ASIC4: variants seen among roughly 807,000 people sequenced by gnomAD.
ASIC4 encodes acid sensing ion channel subunit family member 4.
ASIC4 carries 28 observed loss-of-function variants against 53.4 expected under a neutral mutation model. The observed-to-expected ratio is 0.52, with a 90% confidence interval of 0.39 to 0.72. ASIC4 has a LOEUF of 0.72. Ranked by LOEUF, ASIC4 falls within the 30% of genes least tolerant of loss-of-function variation. The pLI is 0.00. For missense variants in ASIC4, 649 were observed against 729.7 expected, an observed-to-expected ratio of 0.89 and a Z score of 1.27; for synonymous variants, 289 against 301.4, an observed-to-expected ratio of 0.96 and a Z score of 0.43.
chr2:219,511,010 C>G (rs891735913), upstream of ASIC4, among the ~76,000 whole-genome samples: 3 of 152,324 alleles, frequency 2.0e-5, no homozygotes, highest in African/African-American at 4.8e-5. This position sits in a 1 kb window ranked among gnomAD's most constrained non-coding sequence, Gnocchi z 5.3. Flanking sequence ...CCCCAGCCCC[C>G]CCATCCTTGT....
upstream of ASIC4, chr2:219,514,147 C>G: frequency 1.5e-6 from 1 of 646,204 alleles, no homozygotes; most frequent in Non-Finnish European, 2.5e-6. Context: ...CCCTGGGTGG[C>G]CAGGAAGTGG....
rs1313641069 is a variant in ASIC4 at position 219,516,142 on chromosome 2, C to A, written c.582+836C>A. ...CACACTCCCTCTCTCACTCACTGTCCCTGTCACTACACTCACATGCACACC... is the reference window on the plus strand; with the variant it reads ...CACACTCCCTCTCTCACTCACTGTCACTGTCACTACACTCACATGCACACC... On this transcript the variant is annotated intron_variant, in intron 1 of 9. Coordinates refer to ENST00000358078, the MANE Select transcript of ASIC4 (RefSeq NM_018674.6). This position sits in a 1 kb window ranked among gnomAD's most constrained non-coding sequence, Gnocchi z 4.9. Among the ~76,000 whole-genome samples, 2 of 152,126 alleles carry A rather than the reference C, an allele frequency of 1.3e-5. No individual in the cohort carries two copies. The highest frequency in any genetic ancestry group is 2.9e-5 in the Non-Finnish European group (2 of 68,024).
At position 219,534,919 on chromosome 2, in the gene ASIC4, C is replaced by A. The variant is rs572884044; in HGVS notation, c.1076-252C>A. ...GTTCTCCCTCTGGGCCACGAGGACC[C>A]CCCCCCAGTCCCAGGGGGTTGGGAG... On this transcript the variant is annotated intron_variant, in intron 5 of 9. Coordinates refer to ENST00000358078, the MANE Select transcript of ASIC4 (RefSeq NM_018674.6). 3.7e-4 allele frequency among the ~76,000 whole-genome samples: 56 copies of A among 152,132 alleles called. 1 individual carries two copies. Among genetic ancestry groups the A allele is most frequent in the Non-Finnish European group, 6.6e-4 (45 of 67,968 alleles).
intron 1 of ASIC4, among the ~76,000 whole-genome samples, 183 bp from the exon 2 acceptor site, chr2:219,531,575 A>G (rs1379814615): frequency 6.6e-6 from 1 of 152,188 alleles, no homozygotes; most frequent in African/African-American, 2.4e-5. Context: ...CTAATCATCT[A>G]AGGGAGGCCA....
chr2:219,520,391 CCCAGTTTCGGGCT>C (rs913347175), intron 1 of ASIC4, among the ~76,000 whole-genome samples: 3 of 152,146 alleles, frequency 2.0e-5, no homozygotes, highest in African/African-American at 7.2e-5. Context: ...TGTCCCAGGA[CCCAGTTTCGGGCT>C]CCTTAGCACC....
In ASIC4 at chr2:219,516,837, G is replaced by C. The variant is rs1029993078; in HGVS notation, c.582+1531G>C. 6.6e-6 allele frequency: 1 copy of C among 152,500 alleles called. No individual in the cohort carries two copies. Among genetic ancestry groups the C allele is most frequent in the East Asian group, 1.9e-4 (1 of 5,208 alleles). The allele number at this position is 152,500 out of a possible 1,614,324, so 9.4% of individuals were successfully genotyped here. A position where few individuals can be genotyped will look rare whatever the true frequency, so the allele number is the denominator to read the frequency against. On this transcript the variant is annotated intron_variant, in intron 1 of 9. Coordinates refer to ENST00000358078, the MANE Select transcript of ASIC4 (RefSeq NM_018674.6). The surrounding 1 kb of genome is among the most constrained non-coding windows in gnomAD (Gnocchi z 4.9). Reference sequence around the variant, plus strand: ...GGGACAGGAGCAGGAGCATTGTGCAGGGAGAAGAGTCGGGGGCATTGGCCT... The same window carrying C: ...GGGACAGGAGCAGGAGCATTGTGCACGGAGAAGAGTCGGGGGCATTGGCCT...
Position 219,537,419 on chromosome 2 carries a change from T to G in ASIC4, c.1401+98T>G, listed in dbSNP as rs544090952. On this transcript the variant is annotated intron_variant, in intron 8 of 9. Coordinates refer to ENST00000358078, the MANE Select transcript of ASIC4 (RefSeq NM_018674.6). The surrounding 1 kb of genome is among the most constrained non-coding windows in gnomAD (Gnocchi z 4.9). ...TGGTGGAGCTGGCCTGGCTGGAAAGTCAGGTTCAGGGTTCTCTGCCAGGGT... is the reference window on the plus strand; with the variant it reads ...TGGTGGAGCTGGCCTGGCTGGAAAGGCAGGTTCAGGGTTCTCTGCCAGGGT... 3.5e-5 allele frequency: 49 copies of G among 1,396,902 alleles called. No individual in the cohort carries two copies. In the Admixed American group the frequency reaches 3.6e-4, roughly 10 times the overall value. The allele number at this position is 1,396,902 out of a possible 1,614,324, so 86.5% of individuals were successfully genotyped here. A position where few individuals can be genotyped will look rare whatever the true frequency, so the allele number is the denominator to read the frequency against.
chr2:219,535,106 C>T (rs1695106092), intron 5 of ASIC4, 65 bp from the exon 6 acceptor site: 1 of 1,556,694 alleles, frequency 6.4e-7, no homozygotes, highest in African/African-American at 1.4e-5. Context: ...CTCCTCTCTG[C>T]AGCTGGTGGG....
Position 219,514,961 on chromosome 2 carries a change from T to G in ASIC4, c.237T>G (p.Ala79=). ...LWALALLTSL[A]AFLYQAAGLA... Reference sequence around the variant, plus strand: ...CACTGGCCCTACTCACCTCGCTGGCTGCCTTCCTGTACCAGGCGGCTGGCC... The same window carrying G: ...CACTGGCCCTACTCACCTCGCTGGCGGCCTTCCTGTACCAGGCGGCTGGCC... The change falls in exon 1 of 10, where the codon GCT becomes GCG. Residue 79 remains alanine, a synonymous_variant. Coordinates refer to ENST00000358078, the MANE Select transcript of ASIC4 (RefSeq NM_018674.6). 1 of 1,613,220 alleles carries G rather than the reference T, an allele frequency of 6.2e-7. No homozygotes were observed.
At chr2:219,519,580 C>T (rs1416414944) in intron 1 of ASIC4, among the ~76,000 whole-genome samples, 3 of 152,246 alleles carry the variant, frequency 2.0e-5, no homozygotes, top group East Asian at 1.9e-4. Flanking sequence ...GTGATGGACA[C>T]GCTCTGCACC....
chr2:219,510,006 G>A (rs1217555996), upstream of ASIC4, among the ~76,000 whole-genome samples: 1 of 151,880 alleles, frequency 6.6e-6, no homozygotes, highest in Non-Finnish European at 1.5e-5. The surrounding 1 kb of genome is among the most constrained non-coding windows in gnomAD (Gnocchi z 5.2). Flanking sequence ...GGGGGGCGGG[G>A]GCTCTGTCAA....
chr2:219,512,302 T>A (rs1298034753), upstream of ASIC4, among the ~76,000 whole-genome samples: 1 of 152,120 alleles, frequency 6.6e-6, no homozygotes, highest in Admixed American at 6.5e-5. Context: ...GCCAGTATGT[T>A]GTCGGGGAAG....
chr2:219,533,102 G>A (rs764052002), intron 5 of ASIC4, 163 bp downstream of exon 5: 2 of 754,178 alleles, frequency 2.7e-6, no homozygotes, highest in South Asian at 3.0e-5. Context: ...GGAGAGGTCT[G>A]CGGACCTCTG....
intron 1 of ASIC4, among the ~76,000 whole-genome samples, chr2:219,527,901 C>G (rs924301139): frequency 1.3e-5 from 2 of 152,238 alleles, no homozygotes; most frequent in African/African-American, 4.8e-5. Context: ...AACAGGACTC[C>G]TGGTCACATG....
At position 219,535,251 on chromosome 2, in the gene ASIC4, A is replaced by T; in HGVS notation, c.1156A>T (p.Met386Leu). ...GACACGCTATGGGAAAGAGATCTCC[A>T]TGGTCAGGATCCCCAACAGGGGCTC... Reference protein sequence around the residue: ...NLTRYGKEISMVRIPNRGSAR... With the variant: ...NLTRYGKEISLVRIPNRGSAR... The change falls in exon 6 of 10, where the codon ATG (methionine) becomes TTG (leucine). Residue 386 changes from methionine (M) to leucine (L), a missense_variant. Physicochemically the swap from Met to Leu is conservative, Grantham distance 15 (BLOSUM62 2). Coordinates refer to ENST00000358078, the MANE Select transcript of ASIC4 (RefSeq NM_018674.6). The T allele has an allele frequency of 6.2e-7, 1 of 1,613,822 alleles. No individual in the cohort carries two copies. The highest frequency in any genetic ancestry group is 1.3e-5 in the African/African-American group (1 of 75,028).
upstream of ASIC4, chr2:219,514,421 GAC>G (rs1694744641): frequency 4.5e-6 from 7 of 1,549,150 alleles, no homozygotes; most frequent in Non-Finnish European, 5.2e-6. Flanking sequence ...CGCTCGCAGG[GAC>G]ACACGCAGGG....
At position 219,518,631 on chromosome 2, in the gene ASIC4, C is replaced by T. The variant is rs1442712596; in HGVS notation, c.582+3325C>T. Reference sequence around the variant, plus strand: ...ACAGCTCTCCCTTCCTCCCTGATTCCTGCCGCCATCTGCTACCCACACCCC... The same window carrying T: ...ACAGCTCTCCCTTCCTCCCTGATTCTTGCCGCCATCTGCTACCCACACCCC... On this transcript the variant is annotated intron_variant, in intron 1 of 9. Transcript: ENST00000358078. This position sits in a 1 kb window ranked among gnomAD's most constrained non-coding sequence, Gnocchi z 4.8. Among the ~76,000 whole-genome samples the T allele has an allele frequency of 6.6e-6, 1 of 152,068 alleles. No homozygotes were observed. Among genetic ancestry groups the T allele is most frequent in the Non-Finnish European group, 1.5e-5 (1 of 67,998 alleles).
chr2:219,538,334 C>A lies in ASIC4; in HGVS notation c.*288C>A. On this transcript the variant is annotated 3_prime_UTR_variant, in exon 10 of 10. Transcript: ENST00000358078. ...GAGGGAGGGGGAGGATAGAGCCCATCCCAGCCGGGGAGGGGGAGCCCTCTG... is the reference window on the plus strand; with the variant it reads ...GAGGGAGGGGGAGGATAGAGCCCATACCAGCCGGGGAGGGGGAGCCCTCTG... 1 of 349,928 alleles carries A rather than the reference C, an allele frequency of 2.9e-6. No homozygotes were observed. Among genetic ancestry groups the A allele is most frequent in the Non-Finnish European group, 5.2e-6 (1 of 191,728 alleles). 21.7% of individuals were successfully genotyped at this position (349,928 alleles called of 1,614,324 possible).
intron 1 of ASIC4, among the ~76,000 whole-genome samples, chr2:219,519,888 G>A (rs1386418156): frequency 1.3e-5 from 2 of 152,114 alleles, no homozygotes; most frequent in African/African-American, 4.8e-5. Context: ...GCCTGTGTCT[G>A]GGGGCTGGGG....
Sources: gnomAD v4.1 joint callset for allele counts (sites outside exome capture counted in the v4.1 genomes callset) on GRCh38, gnomAD v4.1.1 for gene constraint, Gnocchi (gnomAD v3.1) non-coding constraint, MANE v1.5 for transcripts, NCBI Gene and HGNC (gene_info 2026-07-23, HGNC 2026-07-21) for gene names.